The following CSMD1 variants were observed in gnomAD, a reference collection of about 807,000 sequenced individuals.
CSMD1 encodes the protein CUB and sushi domain-containing protein 1.
A neutral mutation model predicts 417.5 loss-of-function variants in CSMD1; 213 were observed. The observed-to-expected ratio is 0.51, with a 90% confidence interval of 0.46 to 0.57. The LOEUF is 0.57. CSMD1 is among the 20% of genes least tolerant of loss of function. The pLI is 0.00. For missense variants in CSMD1, 6,923 were observed against 4,529.7 expected (o/e 1.53, Z -15.17); for synonymous variants, 2,862 against 1,736.8 (o/e 1.65, Z -16.11).
intron 1 of CSMD1, among the ~76,000 whole-genome samples, chr8:4,962,197 TAAA>T (rs368435637): frequency 9.9e-4 from 120 of 121,284 alleles, no homozygotes; most frequent in African/African-American, 3.6e-3. Flanking sequence ...GCTTTTTTTT[TAAA>T]AAAAAAAGAA....
intron 7 of CSMD1, among the ~76,000 whole-genome samples, chr8:3,625,374 C>A (rs1796442833): frequency 6.6e-6 from 1 of 152,080 alleles, no homozygotes; most frequent in Admixed American, 6.6e-5. Flanking sequence ...GAGACAAGGG[C>A]TGCATTTTCC....
At chr8:4,746,479 T>G (rs1413103066) in intron 1 of CSMD1, among the ~76,000 whole-genome samples, 1 of 152,144 alleles carries the variant, frequency 6.6e-6, no homozygotes, top group Non-Finnish European at 1.5e-5. Flanking sequence ...CAAGAATGAG[T>G]GATTCGTGTC....
At chr8:3,136,149 C>T (rs561497887) in intron 41 of CSMD1, among the ~76,000 whole-genome samples, 12 of 152,086 alleles carry the variant, frequency 7.9e-5, no homozygotes, top group East Asian at 3.9e-4. Flanking sequence ...CTATGGAGTC[C>T]GGGTTAGTCC....
intron 2 of CSMD1, among the ~76,000 whole-genome samples, chr8:4,524,488 G>C (rs1487253958): frequency 6.6e-6 from 1 of 151,584 alleles, no homozygotes; most frequent in Non-Finnish European, 1.5e-5. Flanking sequence ...CGTTGGTGAA[G>C]CCCACGGGAT....
chr8:3,254,769 C>G (rs779950842), intron 26 of CSMD1, among the ~76,000 whole-genome samples: 1 of 152,126 alleles, frequency 6.6e-6, no homozygotes. Flanking sequence ...GTTAGCCATT[C>G]ATGTAATTTT....
intron 5 of CSMD1, among the ~76,000 whole-genome samples, chr8:3,823,142 G>A (rs1801835389): frequency 6.6e-6 from 1 of 152,174 alleles, no homozygotes; most frequent in Non-Finnish European, 1.5e-5. Context: ...GGTATAAACT[G>A]TGGCTTGTGT....
chr8:4,113,481 T>C (rs1043804061), intron 3 of CSMD1, among the ~76,000 whole-genome samples: 9 of 139,232 alleles, frequency 6.5e-5, no homozygotes, highest in Non-Finnish European at 1.2e-4. Flanking sequence ...CTTGGCTCAC[T>C]GCAACCTCTG....
In CSMD1 at chr8:3,255,757, GCTGT is replaced by G. The variant is rs1187766915; in HGVS notation, c.4154-25530_4154-25527del. Among the ~76,000 whole-genome samples the G allele has an allele frequency of 4.6e-5, 7 of 152,290 alleles. No individual in the cohort carries two copies. The East Asian group carries it at 5.8e-4, about 13-fold the overall frequency. On this transcript the variant is annotated intron_variant, in intron 26 of 69. Coordinates refer to ENST00000635120, the MANE Select transcript of CSMD1 (RefSeq NM_033225.6). ...GTGGGAGTGACCGGATTTTCCAGGT[GCTGT>G]CTGTCAACACTTTCTTTGACTAGAA... is the stretch of plus-strand genomic sequence containing the variant.
Position 4,419,987 on chromosome 8 carries a change from A to G in CSMD1, c.381T>C (p.Ala127=), listed in dbSNP as rs1403394276. ...ILTLWFTTDF[A]VSAQGFKALY... Reference sequence around the variant, plus strand: ...ATGCTTTGAAACCTTGGGCACTCACAGCGAAGTCTGTCGTGAACCACAGAG... The same window carrying G: ...ATGCTTTGAAACCTTGGGCACTCACGGCGAAGTCTGTCGTGAACCACAGAG... The change falls in exon 3 of 70, where the codon GCT becomes GCC. Residue 127 remains alanine, a synonymous_variant. Transcript: ENST00000635120. 2 of 1,588,290 alleles carry G rather than the reference A, an allele frequency of 1.3e-6. No individual in the cohort carries two copies. Among genetic ancestry groups the G allele is most frequent in the Middle Eastern group, 1.7e-4 (1 of 6,032 alleles).
At chr8:3,421,512 G>C (rs1585140152) in intron 12 of CSMD1, among the ~76,000 whole-genome samples, 1 of 152,188 alleles carries the variant, frequency 6.6e-6, no homozygotes, top group African/African-American at 2.4e-5. Context: ...TTCTCACTAT[G>C]AAAATAACAA....
chr8:4,598,399 T>G (rs945117543), intron 2 of CSMD1, among the ~76,000 whole-genome samples: 6 of 152,206 alleles, frequency 3.9e-5, no homozygotes, highest in Admixed American at 1.3e-4. Context: ...TGGATGCAGC[T>G]CTGTCATATA....
rs1243842127 is a variant in CSMD1 at position 3,190,124 on chromosome 8, A to G, written c.5195-9T>C. On this transcript the variant is annotated splice_polypyrimidine_tract_variant and intron_variant, in intron 33 of 69. Transcript: ENST00000635120. ...ACTGGTACGAGGAACAGCTAGAAGC[A>G]AAGTACAGAACACAGCCGTCTGTAT... The G allele has an allele frequency of 1.3e-6, 2 of 1,575,516 alleles. No homozygotes were observed. Among genetic ancestry groups the G allele is most frequent in the East Asian group, 2.3e-5 (1 of 42,922 alleles).
At chr8:4,912,940 C>T (rs978264788) in intron 1 of CSMD1, among the ~76,000 whole-genome samples, 2 of 152,148 alleles carry the variant, frequency 1.3e-5, no homozygotes, top group African/African-American at 4.8e-5. Context: ...CACCCACCAC[C>T]TCACCCAGCT....
chr8:3,937,015 G>T (rs79475922), intron 5 of CSMD1, among the ~76,000 whole-genome samples: 4,219 of 152,174 alleles, frequency 0.028, 74 homozygotes, highest in Middle Eastern at 0.051. Flanking sequence ...TGGGTTAAAG[G>T]TTTCAGTGGA....
chr8:3,569,653 A>G (rs1799864791), intron 10 of CSMD1, among the ~76,000 whole-genome samples: 2 of 152,210 alleles, frequency 1.3e-5, no homozygotes, highest in African/African-American at 2.4e-5. Context: ...CTTTTCTCTT[A>G]TGTTCAATAC....
At chr8:4,828,391 C>G (rs955633673) in intron 1 of CSMD1, among the ~76,000 whole-genome samples, 2 of 152,146 alleles carry the variant, frequency 1.3e-5, no homozygotes, top group Non-Finnish European at 2.9e-5. Context: ...AATGACTTTG[C>G]TGTAGTTATT....
chr8:4,886,930 C>T (rs920162486), intron 1 of CSMD1, among the ~76,000 whole-genome samples: 12 of 151,974 alleles, frequency 7.9e-5, no homozygotes, highest in Admixed American at 3.3e-4. Context: ...ACATAACCAA[C>T]TTTTGATTTC....
chr8:3,803,692 A>G (rs1800579772), intron 5 of CSMD1, among the ~76,000 whole-genome samples: 1 of 152,212 alleles, frequency 6.6e-6, no homozygotes, highest in African/African-American at 2.4e-5. Flanking sequence ...TTTGTTGGTC[A>G]GAATTAGGAG....
chr8:3,794,466 A>G (rs1177584427), intron 5 of CSMD1, among the ~76,000 whole-genome samples: 1 of 152,146 alleles, frequency 6.6e-6, no homozygotes, highest in Non-Finnish European at 1.5e-5. Flanking sequence ...AACCAATTAA[A>G]TCAACAAATA....
Sources: gnomAD v4.1 joint callset for allele counts (sites outside exome capture counted in the v4.1 genomes callset) on GRCh38, gnomAD v4.1.1 for gene constraint, MANE v1.5 for transcripts, NCBI Gene and HGNC (gene_info 2026-07-23, HGNC 2026-07-21) for gene names.